ARHGEF10: variants seen among roughly 807,000 people sequenced by gnomAD.
ARHGEF10 encodes Rho guanine nucleotide exchange factor (GEF) 10.
In ARHGEF10, 140 loss-of-function variants were observed where a neutral mutation model predicts 147.4. The observed-to-expected ratio is 0.95, with a 90% CI of 0.83 to 1.09. ARHGEF10 has a LOEUF of 1.09. ARHGEF10 is among the 50% of genes least tolerant of loss of function. The pLI, the probability that ARHGEF10 is intolerant of heterozygous loss-of-function variation, is 0.00. For synonymous variants in ARHGEF10, 902 were observed against 695.8 expected, an observed-to-expected ratio of 1.30 and a Z score of -4.67; for missense variants, 2,222 against 1,752.7, an observed-to-expected ratio of 1.27 and a Z score of -4.78.
At chr8:1,838,577 C>G (rs923757553) in intron 1 of ARHGEF10, among the ~76,000 whole-genome samples, 5 of 152,280 alleles carry the variant, frequency 3.3e-5, no homozygotes, top group African/African-American at 9.6e-5. Flanking sequence ...GCCACGCACT[C>G]TTCAGCACAG....
chr8:1,906,169 G>A (rs867761034), intron 17 of ARHGEF10, among the ~76,000 whole-genome samples: 4 of 152,110 alleles, frequency 2.6e-5, no homozygotes, highest in African/African-American at 4.8e-5. Context: ...CATCAGAATC[G>A]TTCTCCAATG....
In ARHGEF10 at chr8:1,876,426, G is replaced by A. The variant is rs930465371; in HGVS notation, c.680-145G>A. The stretch of plus-strand genomic sequence containing the variant: ...CTGCACGGTGCCTTCCATGGAGCAA[G>A]CCCGGGGCTCCGCAGGGTCCTCAGC... On this transcript the variant is annotated intron_variant, in intron 7 of 28. Coordinates refer to ENST00000349830, the MANE Select transcript of ARHGEF10 (RefSeq NM_014629.4). 5 of 860,926 alleles carry A rather than the reference G, an allele frequency of 5.8e-6. No homozygotes were observed. The Admixed American group carries it at 9.9e-5, about 17-fold the overall frequency. 53.3% of individuals were successfully genotyped at this position (860,926 alleles called of 1,614,324 possible). A position where few individuals can be genotyped will look rare whatever the true frequency, so the allele number is the denominator to read the frequency against.
chr8:1,880,274 C>G, intron 9 of ARHGEF10, 110 bp downstream of exon 9: 1 of 772,642 alleles, frequency 1.3e-6, no homozygotes, highest in South Asian at 1.4e-5. Context: ...AAAGGGTGGT[C>G]CGGGGCTCCT....
At chr8:1,925,252 C>G (rs1419301614) in intron 21 of ARHGEF10, 31 bp from the exon 22 acceptor site, 10 of 1,613,862 alleles carry the variant, frequency 6.2e-6, no homozygotes, top group African/African-American at 2.7e-5. Context: ...TAACTGCATT[C>G]TTGCTCATTT....
chr8:1,909,500 C>G (rs199730810), intron 18 of ARHGEF10, 30 bp downstream of exon 18: 48 of 1,612,370 alleles, frequency 3.0e-5, no homozygotes, highest in African/African-American at 4.0e-5. Flanking sequence ...ACGTTCGTGC[C>G]GTGGGGCCAG....
intron 6 of ARHGEF10, among the ~76,000 whole-genome samples, chr8:1,867,848 C>T (rs911883564): frequency 1.3e-5 from 2 of 152,178 alleles, no homozygotes; most frequent in Non-Finnish European, 2.9e-5. Flanking sequence ...ATTAAACTGC[C>T]TCCTGGAAGT....
rs1040108248 is a variant in ARHGEF10, at chr8:1,869,876, G to T, written c.679+626G>T. ...GGACGTGGCTCTTTTAACCTGAGCGGCCACGTCCAGCAAAGTACAGTCCTT... is the reference window on the plus strand; with the variant it reads ...GGACGTGGCTCTTTTAACCTGAGCGTCCACGTCCAGCAAAGTACAGTCCTT... On this transcript the variant is annotated intron_variant, in intron 7 of 28. Coordinates refer to ENST00000349830, the MANE Select transcript of ARHGEF10 (RefSeq NM_014629.4). 58 of 164,596 alleles carry T rather than the reference G, an allele frequency of 3.5e-4. 1 individual carries two copies. The highest frequency in any genetic ancestry group is 1.2e-4 in the Admixed American group (2 of 17,384). 10.2% of individuals were successfully genotyped at this position (164,596 alleles called of 1,614,324 possible). A position where few individuals can be genotyped will look rare whatever the true frequency, so the allele number is the denominator to read the frequency against.
Position 1,924,327 on chromosome 8 carries a change from C to G in ARHGEF10, c.2488+453C>G, listed in dbSNP as rs550502253. ...ATCCTCCCAGCACCAAAGATCAACC[C>G]TGTGGTTTTACTGTAGATGGATGTG... is the stretch of plus-strand genomic sequence containing the variant. On this transcript the variant is annotated intron_variant, in intron 21 of 28. Transcript: ENST00000349830. 2.0e-5 allele frequency among the ~76,000 whole-genome samples: 3 copies of G among 152,252 alleles called. No homozygotes were observed. In the East Asian group the frequency reaches 5.8e-4, roughly 29 times the overall value.
chr8:1,873,560 G>T (rs1807344584), intron 7 of ARHGEF10, among the ~76,000 whole-genome samples: 1 of 131,208 alleles, frequency 7.6e-6, no homozygotes, highest in Non-Finnish European at 1.6e-5. Context: ...GTTGCCTTGA[G>T]AGGTGCCGCG....
Position 1,880,130 on chromosome 8 carries a change from A to G in ARHGEF10, c.926A>G (p.Glu309Gly). 6.2e-7 allele frequency: 1 copy of G among 1,613,990 alleles called. No individual in the cohort carries two copies. The highest frequency in any genetic ancestry group is 8.5e-7 in the Non-Finnish European group (1 of 1,179,932). Residue 309 changes from glutamate (E) to glycine (G), a missense_variant, in exon 9 of 29, where the codon GAG (glutamate) becomes GGG (glycine). Transcript: ENST00000349830. ...DLMASTVGVVEIQQLRQKHEL... is the reference protein window; with the variant it reads ...DLMASTVGVVGIQQLRQKHEL... ...ATGGCAAGCACGGTGGGCGTGGTGG[A>G]GATTCAGCAGCTCAGGCAGAAGCAT...
Position 1,909,279 on chromosome 8 carries a change from CT to C in ARHGEF10, c.1968-12del, listed in dbSNP as rs771521265. 26 of 1,614,082 alleles carry C rather than the reference CT, an allele frequency of 1.6e-5. No homozygotes were observed. Among genetic ancestry groups the C allele is most frequent in the Non-Finnish European group, 8.5e-7 (1 of 1,180,054 alleles). On this transcript the variant is annotated splice_polypyrimidine_tract_variant and intron_variant, in intron 17 of 28. Coordinates refer to ENST00000349830, the MANE Select transcript of ARHGEF10 (RefSeq NM_014629.4). ...ATGTAATTATTCGTAAAACAAGGAT[CT>C]TTTGGTCGTTTCAGCCCCTCTCATG...
At position 1,952,837 on chromosome 8, in the gene ARHGEF10, AC is replaced by A; in HGVS notation, c.3520+12del. On this transcript the variant is annotated intron_variant, in intron 28 of 28. Transcript: ENST00000349830. ...ATTCCCAAAGTGACCGGTGAGTGGC[AC>A]CTGCAGTCTGAGTGGCTGCATCCTG... 1 of 1,613,784 alleles carries A rather than the reference AC, an allele frequency of 6.2e-7. No individual in the cohort carries two copies. The highest frequency in any genetic ancestry group is 8.5e-7 in the Non-Finnish European group (1 of 1,180,052).
chr8:1,906,243 T>C (rs991308179), intron 17 of ARHGEF10, among the ~76,000 whole-genome samples: 1 of 152,188 alleles, frequency 6.6e-6, no homozygotes, highest in African/African-American at 2.4e-5. Flanking sequence ...TACAGGTAGA[T>C]GATAAGGGAA....
At position 1,888,364 on chromosome 8, in the gene ARHGEF10, T is replaced by C. The variant is rs1288282831; in HGVS notation, c.1182+2657T>C. On this transcript the variant is annotated intron_variant, in intron 11 of 28. Transcript: ENST00000349830. ...GAGACACTGAGTGGGGTGAGGGTTGTGAGGAGATACTGAGGTGATAGTTTT... is the reference window on the plus strand; with the variant it reads ...GAGACACTGAGTGGGGTGAGGGTTGCGAGGAGATACTGAGGTGATAGTTTT... Among the ~76,000 whole-genome samples, 135 of 125,952 alleles carry C rather than the reference T, an allele frequency of 1.1e-3. 1 individual carries two copies. Among genetic ancestry groups the C allele is most frequent in the Non-Finnish European group, 1.7e-3 (102 of 60,846 alleles). 82.6% of individuals were successfully genotyped at this position (125,952 alleles called of 152,430 possible).
intron 15 of ARHGEF10, among the ~76,000 whole-genome samples, chr8:1,902,489 T>C (rs945277766): frequency 2.0e-5 from 3 of 152,058 alleles, no homozygotes; most frequent in African/African-American, 4.8e-5. Flanking sequence ...GGAGAAGAGG[T>C]AGCTCAACTC....
At chr8:1,892,623 G>A (rs1809634505) in intron 11 of ARHGEF10, among the ~76,000 whole-genome samples, 1 of 151,900 alleles carries the variant, frequency 6.6e-6, no homozygotes, top group Admixed American at 6.6e-5. Context: ...CTACACTGGA[G>A]TACCCGTGTG....
chr8:1,898,424 C>A lies in ARHGEF10; in HGVS notation c.1558-9C>A, dbSNP rs1373447249. 1 of 1,613,810 alleles carries A rather than the reference C, an allele frequency of 6.2e-7. No homozygotes were observed. The highest frequency in any genetic ancestry group is 8.5e-7 in the Non-Finnish European group (1 of 1,179,866). On this transcript the variant is annotated splice_polypyrimidine_tract_variant and intron_variant, in intron 14 of 28. Coordinates refer to ENST00000349830, the MANE Select transcript of ARHGEF10 (RefSeq NM_014629.4). ...TGCAGGGAGGTGACCCCGGTGCCTT[C>A]CCCCACAGCAGGAACAGGAGGCCAG... is the stretch of plus-strand genomic sequence containing the variant.
At chr8:1,844,701 G>A (rs1044427876) in intron 2 of ARHGEF10, among the ~76,000 whole-genome samples, 3 of 152,112 alleles carry the variant, frequency 2.0e-5, no homozygotes, top group African/African-American at 7.2e-5. Context: ...TGTCGCCATG[G>A]TGCTCGTTGT....
At chr8:1,952,294 A>G (rs906934139) in intron 27 of ARHGEF10, among the ~76,000 whole-genome samples, 10 of 152,186 alleles carry the variant, frequency 6.6e-5, no homozygotes, top group African/African-American at 2.4e-4. Flanking sequence ...CCTCACTTGT[A>G]AAGGGGTCTC....
Sources: gnomAD v4.1 joint callset for allele counts (sites outside exome capture counted in the v4.1 genomes callset) on GRCh38, gnomAD v4.1.1 for gene constraint, MANE v1.5 for transcripts, NCBI Gene and HGNC (gene_info 2026-07-23, HGNC 2026-07-21) for gene names.